The following FBXW7 variants were observed in gnomAD, a reference collection of about 807,000 sequenced individuals.
FBXW7 encodes the protein F-box/WD repeat-containing protein 7.
A neutral mutation model predicts 86.3 loss-of-function variants in FBXW7; 11 were observed. That is an observed-to-expected ratio of 0.13 (90% CI 0.08 to 0.21). The LOEUF is 0.21. Among genes scored for constraint, FBXW7 ranks in the 10% least tolerant of loss-of-function variants. FBXW7 has a pLI of 1.00. For synonymous variants in FBXW7, 313 were observed against 297.9 expected, an observed-to-expected ratio of 1.05 and a Z score of -0.52; for missense variants, 488 against 847.4, an observed-to-expected ratio of 0.58 and a Z score of 5.27.
intron 2 of FBXW7, among the ~76,000 whole-genome samples, chr4:152,504,333 A>G (rs1259937846): frequency 6.6e-6 from 1 of 152,216 alleles, no homozygotes; most frequent in Non-Finnish European, 1.5e-5. Context: ...TCTAACATAA[A>G]TCAACATATA....
chr4:152,527,113 TTTATA>T (rs1383667788), intron 2 of FBXW7, among the ~76,000 whole-genome samples: 6 of 152,240 alleles, frequency 3.9e-5, no homozygotes, highest in Non-Finnish European at 8.8e-5. Context: ...CTTTGCATGC[TTTATA>T]TTATCTCATT....
chr4:152,346,827 G>C, intron 6 of FBXW7, 103 bp downstream of exon 6: 1 of 1,456,564 alleles, frequency 6.9e-7, no homozygotes, highest in Non-Finnish European at 9.3e-7. Context: ...TTCATCCACA[G>C]TATACTATGT....
At chr4:152,481,168 A>G (rs1161681013) in intron 2 of FBXW7, among the ~76,000 whole-genome samples, 1 of 152,194 alleles carries the variant, frequency 6.6e-6, no homozygotes, top group African/African-American at 2.4e-5. Flanking sequence ...ATGATCACTT[A>G]TCATTCCAAA....
intron 4 of FBXW7, among the ~76,000 whole-genome samples, chr4:152,389,792 C>T (rs1325716838): frequency 6.6e-6 from 1 of 151,934 alleles, no homozygotes; most frequent in Non-Finnish European, 1.5e-5. Flanking sequence ...AATAATATTA[C>T]ATATATGGCC....
chr4:152,452,536 T>C (rs1354331637), intron 2 of FBXW7, among the ~76,000 whole-genome samples: 2 of 152,230 alleles, frequency 1.3e-5, no homozygotes, highest in African/African-American at 4.8e-5. Flanking sequence ...CAGAATAGTG[T>C]TCAATACTAA....
At position 152,339,922 on chromosome 4, in the gene FBXW7, C is replaced by CAA. The variant is rs1227838925; in HGVS notation, c.727-1988_727-1987dup. ...TAGGTGACAGAGCGAGGCTTTGTCT[C>CAA]AAAAAAAAAAAAAAAAAAAAAGCTA... On this transcript the variant is annotated intron_variant, in intron 6 of 13. Transcript: ENST00000281708. Among the ~76,000 whole-genome samples, 284 of 65,952 alleles carry CAA rather than the reference C, an allele frequency of 4.3e-3. 2 individuals carry two copies. The highest frequency in any genetic ancestry group is 9.6e-3 in the East Asian group (25 of 2,596). The allele number at this position is 65,952 out of a possible 152,430, so 43.3% of individuals were successfully genotyped here.
At chr4:152,484,734 G>A (rs1745193494) in intron 2 of FBXW7, among the ~76,000 whole-genome samples, 1 of 152,132 alleles carries the variant, frequency 6.6e-6, no homozygotes, top group Non-Finnish European at 1.5e-5. Flanking sequence ...GGCCAAGGTG[G>A]GTGGATCACC....
At chr4:152,439,884 A>G (rs1016393370) in intron 2 of FBXW7, among the ~76,000 whole-genome samples, 1 of 151,664 alleles carries the variant, frequency 6.6e-6, no homozygotes, top group Non-Finnish European at 1.5e-5. Flanking sequence ...AAAAAAAAAA[A>G]AAGTCCAATG....
In FBXW7 at chr4:152,411,374, T is replaced by C. The variant is rs1309461162; in HGVS notation, c.430A>G (p.Thr144Ala). 1 of 1,613,548 alleles carries C rather than the reference T, an allele frequency of 6.2e-7. No homozygotes were observed. The highest frequency in any genetic ancestry group is 2.2e-5 in the East Asian group (1 of 44,834). The part of the protein sequence containing the change: ...EDEHTHTNSV[T>A]NSSSIVDLPV... ...AGGTCCACAATACTACTGGAGTTCGTGACACTGTTAGTATGTGTATGTTCA... is the reference window on the plus strand; with the variant it reads ...AGGTCCACAATACTACTGGAGTTCGCGACACTGTTAGTATGTGTATGTTCA... The change falls in exon 4 of 14, where the codon ACG becomes GCG. Residue 144 changes from threonine (T) to alanine (A), a missense_variant. This residue lies in a region of FBXW7 where 230 missense variants were observed against 240.0 expected (regional missense o/e 0.96). Coordinates refer to ENST00000281708, the MANE Select transcript of FBXW7 (RefSeq NM_001349798.2).
intron 4 of FBXW7, among the ~76,000 whole-genome samples, chr4:152,393,840 T>G (rs1159853339): frequency 6.6e-6 from 1 of 152,082 alleles, no homozygotes; most frequent in African/African-American, 2.4e-5. Context: ...AAAAACCAAC[T>G]GACAGAAGGA....
intron 2 of FBXW7, among the ~76,000 whole-genome samples, chr4:152,455,423 G>A (rs1320453969): frequency 6.6e-6 from 1 of 152,050 alleles, no homozygotes; most frequent in Non-Finnish European, 1.5e-5. Flanking sequence ...TCCACCAACA[G>A]TCTCTTTATG....
At chr4:152,394,721 C>T (rs1224217185) in intron 4 of FBXW7, among the ~76,000 whole-genome samples, 2 of 152,048 alleles carry the variant, frequency 1.3e-5, no homozygotes, top group East Asian at 3.9e-4. Context: ...TAAGGATTTG[C>T]TATATGCCAG....
At chr4:152,330,934 T>C in intron 8 of FBXW7, 66 bp from the exon 9 acceptor site, 1 of 1,465,940 alleles carries the variant, frequency 6.8e-7, no homozygotes, top group Non-Finnish European at 9.3e-7. Context: ...TTTTATAAAG[T>C]ATTCCATCTT....
At chr4:152,334,968 T>C (rs1729925823) in intron 7 of FBXW7, among the ~76,000 whole-genome samples, 1 of 152,134 alleles carries the variant, frequency 6.6e-6, no homozygotes, top group South Asian at 2.1e-4. Flanking sequence ...AGAGAAAAAG[T>C]AGAGCACAAA....
At chr4:152,481,442 C>G (rs1415300251) in intron 2 of FBXW7, among the ~76,000 whole-genome samples, 1 of 152,192 alleles carries the variant, frequency 6.6e-6, no homozygotes, top group African/African-American at 2.4e-5. Context: ...CTGCTACCAC[C>G]ACATCCATTC....
At chr4:152,376,170 A>G (rs1734496997) in intron 4 of FBXW7, among the ~76,000 whole-genome samples, 1 of 152,102 alleles carries the variant, frequency 6.6e-6, no homozygotes, top group Admixed American at 6.6e-5. Context: ...AACATGTCTA[A>G]TAGTTTTATA....
At chr4:152,393,157 A>G (rs1220532227) in intron 4 of FBXW7, among the ~76,000 whole-genome samples, 1 of 152,130 alleles carries the variant, frequency 6.6e-6, no homozygotes, top group Non-Finnish European at 1.5e-5. Flanking sequence ...TTTGTTCCAT[A>G]TTTTCAAAAG....
intron 2 of FBXW7, among the ~76,000 whole-genome samples, chr4:152,469,732 C>T (rs1705541755): frequency 6.6e-6 from 1 of 151,966 alleles, no homozygotes; most frequent in South Asian, 2.1e-4. Flanking sequence ...TAAGGCTGTA[C>T]ACTGAAAGAA....
rs543037662 is a variant in FBXW7 at position 152,332,284 on chromosome 4, GAATT to G, written c.985+308_985+311del. Among the ~76,000 whole-genome samples the G allele has an allele frequency of 1.5e-3, 222 of 152,120 alleles. 3 individuals carry two copies. The South Asian group carries it at 0.044, about 30-fold the overall frequency. On this transcript the variant is annotated intron_variant, in intron 8 of 13. Coordinates refer to ENST00000281708, the MANE Select transcript of FBXW7 (RefSeq NM_001349798.2). ...TTCAATAAACATTTATGAAAAGAAT[GAATT>G]AATACTAAATATTTGGATATTTAAT...
Sources: gnomAD v4.1 joint callset for allele counts (sites outside exome capture counted in the v4.1 genomes callset) on GRCh38, gnomAD v4.1.1 for gene constraint, gnomAD v4.1.1 regional missense constraint, MANE v1.5 for transcripts, NCBI Gene and HGNC (gene_info 2026-07-23, HGNC 2026-07-21) for gene names.